KCNMA1: variants seen among roughly 807,000 people sequenced by gnomAD.
KCNMA1 encodes Calcium-activated potassium channel subunit alpha-1.
A neutral mutation model predicts 140.0 loss-of-function variants in KCNMA1; 29 were observed. That is an observed-to-expected ratio of 0.21 (90% CI 0.15 to 0.28). The LOEUF (loss-of-function observed/expected upper bound fraction) is 0.28. Ranked by LOEUF, KCNMA1 falls within the 10% of genes least tolerant of loss-of-function variation. KCNMA1 has a pLI of 1.00. For missense variants in KCNMA1, 880 were observed against 1,602.2 expected (o/e 0.55, Z 7.70); for synonymous variants, 612 against 611.9 (o/e 1.00, Z 0.00).
chr10:77,023,348 C>G (rs2093069941), intron 16 of KCNMA1, among the ~76,000 whole-genome samples: 1 of 152,084 alleles, frequency 6.6e-6, no homozygotes, highest in Non-Finnish European at 1.5e-5. Context: ...AAATATGATA[C>G]ATATATATTT....
At chr10:77,022,230 A>G (rs1315689126) in intron 16 of KCNMA1, among the ~76,000 whole-genome samples, 1 of 152,106 alleles carries the variant, frequency 6.6e-6, no homozygotes, top group African/African-American at 2.4e-5. Flanking sequence ...TCAGTTCTCT[A>G]GCTCCAACTT....
At chr10:77,218,978 C>T (rs1038089015) in intron 3 of KCNMA1, among the ~76,000 whole-genome samples, 5 of 152,230 alleles carry the variant, frequency 3.3e-5, no homozygotes, top group East Asian at 3.9e-4. Context: ...TAAGCTACTG[C>T]GCCTGGCCTT....
At chr10:77,326,393 AGGAT>A (rs2084226305) in intron 2 of KCNMA1, among the ~76,000 whole-genome samples, 2 of 152,236 alleles carry the variant, frequency 1.3e-5, no homozygotes, top group Admixed American at 1.3e-4. Context: ...CTCATCTACA[AGGAT>A]GGTTCACAAT....
intron 25 of KCNMA1, among the ~76,000 whole-genome samples, chr10:76,907,445 G>A (rs2048257812): frequency 6.6e-6 from 1 of 152,174 alleles, no homozygotes; most frequent in Non-Finnish European, 1.5e-5. Flanking sequence ...TGCTCAAACC[G>A]ATTTTATTCC....
At chr10:77,209,669 T>C (rs575998596) in intron 3 of KCNMA1, among the ~76,000 whole-genome samples, 1 of 151,700 alleles carries the variant, frequency 6.6e-6, no homozygotes, top group Non-Finnish European at 1.5e-5. Flanking sequence ...GCTGGCCAGA[T>C]TAACAAAAAA....
intron 18 of KCNMA1, among the ~76,000 whole-genome samples, chr10:77,005,385 G>A (rs754763352): frequency 7.2e-5 from 11 of 152,326 alleles, no homozygotes; most frequent in African/African-American, 9.6e-5. Flanking sequence ...AGCTGACTGC[G>A]TCTCCTTTTT....
At chr10:76,974,566 A>T (rs1322035080) in intron 19 of KCNMA1, 8 of 1,545,042 alleles carry the variant, frequency 5.2e-6, no homozygotes, top group Non-Finnish European at 7.0e-6. Context: ...ATCTAGCTGC[A>T]ACCTTGACTG....
chr10:77,275,811 G>A (rs1241335160), intron 2 of KCNMA1, among the ~76,000 whole-genome samples: 1 of 152,190 alleles, frequency 6.6e-6, no homozygotes, highest in Non-Finnish European at 1.5e-5. Context: ...AGAAAAGGAT[G>A]GCAAGGGAGG....
Position 77,115,043 on chromosome 10 carries a change from T to C in KCNMA1, c.885-2601A>G, listed in dbSNP as rs550125890. ...GTGCTCACCACATGTGCCACCATCC[T>C]AAGTGCTTTAGGATCACCTGTGCTT... On this transcript the variant is annotated intron_variant, in intron 6 of 27. Coordinates refer to ENST00000286628, the MANE Select transcript of KCNMA1 (RefSeq NM_001161352.2). 1.6e-4 allele frequency among the ~76,000 whole-genome samples: 25 copies of C among 152,374 alleles called. 1 individual carries two copies. Among genetic ancestry groups the C allele is most frequent in the African/African-American group, 6.0e-4 (25 of 41,592 alleles).
chr10:76,914,208 G>A, intron 24 of KCNMA1: 13 of 1,141,682 alleles, frequency 1.1e-5, no homozygotes, highest in Non-Finnish European at 1.7e-5. Context: ...AGAGAGTGAG[G>A]GAATAACAGA....
chr10:77,462,255 G>A (rs2097888769), intron 1 of KCNMA1, among the ~76,000 whole-genome samples: 1 of 151,554 alleles, frequency 6.6e-6, no homozygotes, highest in Admixed American at 6.6e-5. Flanking sequence ...ATATACACAT[G>A]TATACCCACA....
At chr10:76,914,570 G>T (rs1255299101) in intron 24 of KCNMA1, 2 of 349,858 alleles carry the variant, frequency 5.7e-6, no homozygotes, top group Non-Finnish European at 1.1e-5. Context: ...GAGCTGTCCA[G>T]ACAGAATGCT....
intron 3 of KCNMA1, among the ~76,000 whole-genome samples, chr10:77,221,646 C>T (rs575783729): frequency 6.6e-6 from 1 of 152,012 alleles, no homozygotes; most frequent in African/African-American, 2.4e-5. Context: ...GTCATGTATG[C>T]CACAGATATA....
At chr10:77,312,829 G>A (rs1221063987) in intron 2 of KCNMA1, among the ~76,000 whole-genome samples, 2 of 152,158 alleles carry the variant, frequency 1.3e-5, no homozygotes, top group African/African-American at 4.8e-5. Flanking sequence ...TGTTTCCATT[G>A]TATGCATGAA....
intron 20 of KCNMA1, among the ~76,000 whole-genome samples, chr10:76,960,564 A>G (rs974030609): frequency 6.8e-6 from 1 of 147,950 alleles, no homozygotes; most frequent in African/African-American, 2.5e-5. Context: ...GAACATAGGC[A>G]TACCTCATGT....
intron 14 of KCNMA1, chr10:77,063,839 T>G (rs1474144121): frequency 2.0e-6 from 2 of 985,394 alleles, no homozygotes; most frequent in Non-Finnish European, 2.4e-6. Context: ...GACTCAGGAA[T>G]GCATGCAATT....
intron 3 of KCNMA1, among the ~76,000 whole-genome samples, chr10:77,225,307 G>A (rs2050959176): frequency 6.6e-6 from 1 of 152,092 alleles, no homozygotes; most frequent in African/African-American, 2.4e-5. Flanking sequence ...TTCCTCTTGG[G>A]CTTCAGTCTG....
intron 19 of KCNMA1, among the ~76,000 whole-genome samples, chr10:76,983,729 A>G (rs2080300735): frequency 6.6e-6 from 1 of 151,886 alleles, no homozygotes; most frequent in African/African-American, 2.4e-5. Context: ...ACTGTTTAAA[A>G]AAAAAAAAAA....
intron 10 of KCNMA1, among the ~76,000 whole-genome samples, chr10:77,087,524 T>C (rs1191625588): frequency 6.6e-6 from 1 of 152,166 alleles, no homozygotes; most frequent in African/African-American, 2.4e-5. Flanking sequence ...CTGTGTCTCA[T>C]GGACTTCTCA....
Sources: gnomAD v4.1 joint callset for allele counts (sites outside exome capture counted in the v4.1 genomes callset) on GRCh38, gnomAD v4.1.1 for gene constraint, MANE v1.5 for transcripts, NCBI Gene and HGNC (gene_info 2026-07-23, HGNC 2026-07-21) for gene names.